AKAP12: variants seen among roughly 807,000 people sequenced by gnomAD.
AKAP12 encodes A-kinase anchoring protein 12.
In AKAP12, 32 loss-of-function variants were observed where a neutral mutation model predicts 79.9. The ratio of observed to expected loss-of-function variants is 0.40; its 90% CI spans 0.30 to 0.54. AKAP12 has a LOEUF of 0.54. Ranked by LOEUF, AKAP12 falls within the 20% of genes least tolerant of loss-of-function variation. AKAP12 has a pLI of 0.48. For synonymous variants in AKAP12, 808 were observed against 857.0 expected (o/e 0.94, Z 1.00); for missense variants, 2,074 against 2,177.0 (o/e 0.95, Z 0.94).
At chr6:151,279,307 T>A (rs1340007341) in intron 2 of AKAP12, among the ~76,000 whole-genome samples, 1 of 152,176 alleles carries the variant, frequency 6.6e-6, no homozygotes, top group African/African-American at 2.4e-5. Flanking sequence ...TTTCTAATCC[T>A]AACAAGGTCT....
intron 2 of AKAP12, among the ~76,000 whole-genome samples, chr6:151,279,991 C>A (rs960326206): frequency 6.6e-6 from 1 of 151,326 alleles, no homozygotes; most frequent in Non-Finnish European, 1.5e-5. Context: ...CTCTTGTCTT[C>A]TGAGATTTTT....
At chr6:151,247,405 TAAAAAAACAAAACAAAAC>T (rs1797096002) in intron 2 of AKAP12, among the ~76,000 whole-genome samples, 1 of 151,734 alleles carries the variant, frequency 6.6e-6, no homozygotes, top group Admixed American at 6.6e-5. Context: ...TATCTCTATT[TAAAAAAACAAAACAAAAC>T]AAAAAAACAA....
At chr6:151,272,472 G>C (rs1369868740) in intron 2 of AKAP12, among the ~76,000 whole-genome samples, 1 of 150,254 alleles carries the variant, frequency 6.7e-6, no homozygotes, top group Admixed American at 6.6e-5. Context: ...TACTCCCTTT[G>C]CCTTCCTGTT....
intron 2 of AKAP12, among the ~76,000 whole-genome samples, chr6:151,253,608 A>C (rs991225177): frequency 1.3e-5 from 2 of 152,122 alleles, no homozygotes; most frequent in African/African-American, 4.8e-5. Context: ...TTGAACTTAC[A>C]CTTGATATGC....
intron 2 of AKAP12, among the ~76,000 whole-genome samples, chr6:151,292,307 T>C (rs1243785963): frequency 6.6e-6 from 1 of 152,262 alleles, no homozygotes; most frequent in South Asian, 2.1e-4. Flanking sequence ...GGACTTAGAA[T>C]TGAAGTTGCA....
chr6:151,294,943 T>A (rs1776692307), intron 2 of AKAP12, among the ~76,000 whole-genome samples: 1 of 152,172 alleles, frequency 6.6e-6, no homozygotes, highest in African/African-American at 2.4e-5. Context: ...GATTTCCTCC[T>A]TAGTGGTTCA....
chr6:151,253,089 T>C (rs906972031), intron 2 of AKAP12, among the ~76,000 whole-genome samples: 14 of 152,248 alleles, frequency 9.2e-5, no homozygotes, highest in African/African-American at 3.4e-4. Context: ...TTACAGGCCC[T>C]GGGTTTTACC....
intron 3 of AKAP12, among the ~76,000 whole-genome samples, chr6:151,346,174 G>A (rs1382225988): frequency 6.6e-6 from 1 of 151,994 alleles, no homozygotes; most frequent in Non-Finnish European, 1.5e-5. Context: ...ATCATGCCAG[G>A]TACCTCTGGT....
At position 151,358,407 on chromosome 6, in the gene AKAP12, G is replaced by A. The variant is rs1778498011; in HGVS notation, c.*2693G>A. The A allele has an allele frequency of 6.6e-6, 1 of 152,146 alleles. No individual in the cohort carries two copies. Among genetic ancestry groups the A allele is most frequent in the South Asian group, 2.1e-4 (1 of 4,820 alleles). 9.4% of individuals were successfully genotyped at this position (152,146 alleles called of 1,614,324 possible). On this transcript the variant is annotated 3_prime_UTR_variant, in exon 5 of 5. Transcript: ENST00000402676. ...GATGTTTGGAACTACAGATAGTCAA[G>A]GGCTGGAAATTTTAGTTTTCAATAT...
At chr6:151,247,089 T>A (rs1319629002) in intron 2 of AKAP12, among the ~76,000 whole-genome samples, 1 of 151,308 alleles carries the variant, frequency 6.6e-6, no homozygotes, top group African/African-American at 2.4e-5. Context: ...CCCCATGCCC[T>A]GCCCAATTAA....
intron 2 of AKAP12, among the ~76,000 whole-genome samples, chr6:151,260,039 C>T (rs1797393148): frequency 6.6e-6 from 1 of 151,906 alleles, no homozygotes; most frequent in Admixed American, 6.6e-5. Context: ...GTGTTAATTA[C>T]AAGGTTGAAA....
intron 3 of AKAP12, among the ~76,000 whole-genome samples, chr6:151,333,462 TTTC>T (rs1777732225): frequency 6.6e-6 from 1 of 152,164 alleles, no homozygotes; most frequent in Non-Finnish European, 1.5e-5. Context: ...GTAAAAATAC[TTTC>T]TCAGGCCGGG....
chr6:151,259,333 A>G (rs1797363152), intron 2 of AKAP12, among the ~76,000 whole-genome samples: 1 of 151,610 alleles, frequency 6.6e-6, no homozygotes, highest in Non-Finnish European at 1.5e-5. Flanking sequence ...GGTGTGAGCC[A>G]CGGCGCCCGG....
chr6:151,345,712 G>A (rs912837655), intron 3 of AKAP12, among the ~76,000 whole-genome samples: 4 of 151,078 alleles, frequency 2.6e-5, no homozygotes, highest in East Asian at 2.0e-4. Context: ...CAGGAGAATC[G>A]CTTGAACCCG....
Position 151,290,810 on chromosome 6 carries a change from A to G in AKAP12, c.163-14937A>G, listed in dbSNP as rs111588483. ...TTTTTAGTAGAGACGGGGTTTCTCC[A>G]TGTTGGTCAGGCTGGTCTTGAACTC... On this transcript the variant is annotated intron_variant, in intron 2 of 4. Coordinates refer to ENST00000402676, the MANE Select transcript of AKAP12 (RefSeq NM_005100.4). Among the ~76,000 whole-genome samples, 487 of 152,204 alleles carry G rather than the reference A, an allele frequency of 3.2e-3. 5 individuals carry two copies. Among genetic ancestry groups the G allele is most frequent in the African/African-American group, 8.1e-3 (338 of 41,542 alleles).
At chr6:151,252,006 AC>A (rs893817427) in intron 2 of AKAP12, among the ~76,000 whole-genome samples, 64 of 152,218 alleles carry the variant, frequency 4.2e-4, no homozygotes, top group African/African-American at 1.5e-3. Flanking sequence ...GCCTCAATAA[AC>A]AAATAAATAA....
At chr6:151,305,544 A>G (rs1471384399) in intron 2 of AKAP12, among the ~76,000 whole-genome samples, 1 of 152,154 alleles carries the variant, frequency 6.6e-6, no homozygotes, top group Non-Finnish European at 1.5e-5. Context: ...TGATGGGCAC[A>G]CTTACCCAGA....
chr6:151,320,674 C>T (rs1221807755), intron 3 of AKAP12, among the ~76,000 whole-genome samples: 2 of 152,156 alleles, frequency 1.3e-5, no homozygotes, highest in Non-Finnish European at 2.9e-5. Context: ...TCCTCCCTCA[C>T]CTTCGTCACT....
At position 151,351,168 on chromosome 6, in the gene AKAP12, A is replaced by C. The variant is rs371336984; in HGVS notation, c.2777A>C (p.Glu926Ala). 1 of 1,614,088 alleles carries C rather than the reference A, an allele frequency of 6.2e-7. No homozygotes were observed. Among genetic ancestry groups the C allele is most frequent in the African/African-American group, 1.3e-5 (1 of 74,926 alleles). ...GTGACAGAACCTCTTGAACAAGTAGAAGCTGAAGCCGCACTGTTAACTGAG... is the reference window on the plus strand; with the variant it reads ...GTGACAGAACCTCTTGAACAAGTAGCAGCTGAAGCCGCACTGTTAACTGAG... ...ASVTEPLEQV[E>A]AEAALLTEEV... The change falls in exon 4 of 5, where the codon GAA becomes GCA. Residue 926 changes from glutamate to alanine, a missense_variant. By Grantham distance (107) the Glu-to-Ala change is moderately radical (BLOSUM62 -1). This residue lies in a region of AKAP12 where 1,428 missense variants were observed against 1,451.0 expected (regional missense o/e 0.98). Transcript: ENST00000402676. This position sits in a 1 kb window ranked among gnomAD's most constrained non-coding sequence, Gnocchi z 4.4.
Sources: allele counts gnomAD v4.1 joint callset (sites outside exome capture counted in the v4.1 genomes callset), GRCh38; gene constraint gnomAD v4.1.1; regional missense constraint gnomAD v4.1.1; non-coding constraint Gnocchi (gnomAD v3.1); transcripts MANE v1.5; gene names NCBI Gene and HGNC (gene_info 2026-07-23, HGNC 2026-07-21).